The following ADAMTS2 variants were observed in gnomAD, a reference collection of about 807,000 sequenced individuals.
ADAMTS2 encodes ADAM metallopeptidase with thrombospondin type 1 motif 2.
A neutral mutation model predicts 123.0 loss-of-function variants in ADAMTS2; 50 were observed. That is an observed-to-expected ratio of 0.41 (90% CI 0.32 to 0.51). The LOEUF (loss-of-function observed/expected upper bound fraction) is 0.51, where lower values mean the gene tolerates loss of function less well. Among genes scored for constraint, ADAMTS2 ranks in the 20% least tolerant of loss-of-function variants. The pLI, the probability that ADAMTS2 is intolerant of heterozygous loss-of-function variation, is 0.35. For synonymous variants in ADAMTS2, 678 were observed against 695.4 expected (o/e 0.98, Z 0.39); for missense variants, 1,494 against 1,705.2 (o/e 0.88, Z 2.18).
chr5:179,290,491 C>A (rs1756153245), intron 2 of ADAMTS2, among the ~76,000 whole-genome samples: 1 of 152,190 alleles, frequency 6.6e-6, no homozygotes, highest in Non-Finnish European at 1.5e-5. Flanking sequence ...AACTAAGACA[C>A]TAAGTACCAA....
At chr5:179,211,825 T>C (rs1021366893) in intron 3 of ADAMTS2, among the ~76,000 whole-genome samples, 3 of 152,134 alleles carry the variant, frequency 2.0e-5, no homozygotes, top group African/African-American at 7.2e-5. Flanking sequence ...GGCAGGGGTG[T>C]GTGCACAGCC....
chr5:179,332,780 G>C lies in ADAMTS2; in HGVS notation c.534+10987C>G, dbSNP rs1446837290. ...GGGAGGGGAAGGAAGGGAAGGAGAG[G>C]AGACCAGGAGCCTCCCAGGGCCTGG... On this transcript the variant is annotated intron_variant, in intron 2 of 21. Coordinates refer to ENST00000251582, the MANE Select transcript of ADAMTS2 (RefSeq NM_014244.5). This position sits in a 1 kb window ranked among gnomAD's most constrained non-coding sequence, Gnocchi z 4.2. Among the ~76,000 whole-genome samples, 2 of 152,028 alleles carry C rather than the reference G, an allele frequency of 1.3e-5. No individual in the cohort carries two copies. Among genetic ancestry groups the C allele is most frequent in the Non-Finnish European group, 2.9e-5 (2 of 67,976 alleles).
rs1424450924 is a variant in ADAMTS2, at chr5:179,331,722, G to A, written c.534+12045C>T. ...TGGAAACTCAGGCCTTCTCCCTGTC[G>A]GCAGGGCTGAGCCCTGGTCTGGGAC... On this transcript the variant is annotated intron_variant, in intron 2 of 21. Coordinates refer to ENST00000251582, the MANE Select transcript of ADAMTS2 (RefSeq NM_014244.5). Among the ~76,000 whole-genome samples the A allele has an allele frequency of 4.6e-5, 7 of 152,214 alleles. No individual in the cohort carries two copies. In the South Asian group the frequency reaches 1.0e-3, roughly 23 times the overall value.
chr5:179,133,007 C>T, intron 13 of ADAMTS2, 107 bp from the exon 14 acceptor site: 1 of 1,448,948 alleles, frequency 6.9e-7, no homozygotes, highest in Non-Finnish European at 9.4e-7. Flanking sequence ...GATCCTCCTG[C>T]CTTGGCCTCC....
At chr5:179,264,199 AG>A (rs1766302494) in intron 3 of ADAMTS2, among the ~76,000 whole-genome samples, 1 of 152,062 alleles carries the variant, frequency 6.6e-6, no homozygotes, top group Non-Finnish European at 1.5e-5. Flanking sequence ...TATCCCCAAG[AG>A]GCCTCTGTCT....
At chr5:179,223,704 A>G (rs1413111810) in intron 3 of ADAMTS2, among the ~76,000 whole-genome samples, 1 of 152,222 alleles carries the variant, frequency 6.6e-6, no homozygotes, top group Non-Finnish European at 1.5e-5. Flanking sequence ...ATGCTCTTAC[A>G]TGCACACAAA....
rs568551813 is a variant in ADAMTS2 at position 179,138,916 on chromosome 5, C to T, written c.1776-972G>A. Reference sequence around the variant, plus strand: ...GCCGGGACGCACCCGGAGCCCTGCCCGCCAGCTGGTAACTGGGCCCGGCTG... The same window carrying T: ...GCCGGGACGCACCCGGAGCCCTGCCTGCCAGCTGGTAACTGGGCCCGGCTG... On this transcript the variant is annotated intron_variant, in intron 11 of 21. Transcript: ENST00000251582. 6.6e-4 allele frequency among the ~76,000 whole-genome samples: 100 copies of T among 152,356 alleles called. 1 individual carries two copies. Among genetic ancestry groups the T allele is most frequent in the African/African-American group, 2.3e-3 (97 of 41,586 alleles).
intron 13 of ADAMTS2, among the ~76,000 whole-genome samples, chr5:179,135,564 C>A (rs931105553): frequency 4.6e-5 from 7 of 152,224 alleles, no homozygotes; most frequent in Admixed American, 2.0e-4. Flanking sequence ...ATGGGGCCTG[C>A]TTCACAAGGG....
chr5:179,277,438 C>CCA (rs1766744338), intron 2 of ADAMTS2, among the ~76,000 whole-genome samples: 1 of 47,228 alleles, frequency 2.1e-5, no homozygotes, highest in Non-Finnish European at 4.8e-5. Context: ...GGCTGACCGC[C>CCA]CCCGAGACCA....
chr5:179,165,458 G>A (rs573169704), intron 5 of ADAMTS2, among the ~76,000 whole-genome samples: 5 of 152,262 alleles, frequency 3.3e-5, no homozygotes, highest in African/African-American at 1.2e-4. Flanking sequence ...TGCCTGCTCG[G>A]CTCTGCACGG....
chr5:179,208,342 C>T (rs1764768417), intron 3 of ADAMTS2, among the ~76,000 whole-genome samples: 1 of 152,214 alleles, frequency 6.6e-6, no homozygotes, highest in Admixed American at 6.5e-5. Flanking sequence ...AAGTCCTCCA[C>T]TGAAGCGAGG....
intron 2 of ADAMTS2, among the ~76,000 whole-genome samples, chr5:179,319,726 T>TC (rs1295516794): frequency 7.3e-6 from 1 of 136,466 alleles, no homozygotes; most frequent in Non-Finnish European, 1.6e-5. Context: ...GCCTCTCCCC[T>TC]CTGTTGAGGC....
chr5:179,318,727 T>C (rs965634195), intron 2 of ADAMTS2, among the ~76,000 whole-genome samples: 1 of 151,784 alleles, frequency 6.6e-6, no homozygotes, highest in South Asian at 2.1e-4. Context: ...CGGCTCAGGA[T>C]GGAGCTGAGC....
Position 179,329,120 on chromosome 5 carries a change from G to A in ADAMTS2, c.534+14647C>T, listed in dbSNP as rs187192067. Reference sequence around the variant, plus strand: ...AGGAGGGCGGATCACGAGGTCAGGAGATGGAGACCATCCTGGCTAACACGG... The same window carrying A: ...AGGAGGGCGGATCACGAGGTCAGGAAATGGAGACCATCCTGGCTAACACGG... On this transcript the variant is annotated intron_variant, in intron 2 of 21. Transcript: ENST00000251582. 4.6e-4 allele frequency among the ~76,000 whole-genome samples: 70 copies of A among 152,230 alleles called. 1 individual carries two copies. The highest frequency in any genetic ancestry group is 3.7e-3 in the East Asian group (19 of 5,174).
intron 3 of ADAMTS2, among the ~76,000 whole-genome samples, chr5:179,245,340 T>C (rs1025221637): frequency 1.3e-5 from 2 of 152,160 alleles, no homozygotes; most frequent in African/African-American, 4.8e-5. Context: ...TTAAACTCAG[T>C]GAGACTCATT....
intron 2 of ADAMTS2, among the ~76,000 whole-genome samples, chr5:179,284,823 G>A (rs992479277): frequency 2.6e-5 from 4 of 152,184 alleles, no homozygotes; most frequent in African/African-American, 7.2e-5. Flanking sequence ...ATTGGTGACC[G>A]AAGAAGGCGG....
intron 3 of ADAMTS2, among the ~76,000 whole-genome samples, chr5:179,218,990 T>C (rs1765064685): frequency 6.6e-6 from 1 of 152,140 alleles, no homozygotes; most frequent in Non-Finnish European, 1.5e-5. Flanking sequence ...GCCTGCCCTG[T>C]CTGGCCATTA....
At chr5:179,217,791 C>CCT (rs1187301459) in intron 3 of ADAMTS2, among the ~76,000 whole-genome samples, 2 of 87,358 alleles carry the variant, frequency 2.3e-5, no homozygotes, top group East Asian at 4.1e-4. Context: ...TAGGGGATGG[C>CCT]GCAAGGGGGG....
At chr5:179,319,187 G>GCACA (rs1757086702) in intron 2 of ADAMTS2, among the ~76,000 whole-genome samples, 1 of 150,938 alleles carries the variant, frequency 6.6e-6, no homozygotes, top group African/African-American at 2.5e-5. Flanking sequence ...CAGGCACCAT[G>GCACA]CAGACGCATG....
Sources: allele counts gnomAD v4.1 joint callset (sites outside exome capture counted in the v4.1 genomes callset), GRCh38; gene constraint gnomAD v4.1.1; non-coding constraint Gnocchi (gnomAD v3.1); transcripts MANE v1.5; gene names NCBI Gene and HGNC (gene_info 2026-07-23, HGNC 2026-07-21).